The following CCDC178 variants were observed in gnomAD, a reference collection of about 807,000 sequenced individuals.
The protein encoded by CCDC178 is coiled-coil domain containing 178.
Under a neutral mutation model 117.4 loss-of-function variants are expected in CCDC178, and 126 were observed. The ratio of observed to expected loss-of-function variants is 1.07; its 90% CI spans 0.93 to 1.24. The LOEUF is 1.24. CCDC178 is among the 50% of genes most tolerant of loss of function. The probability of loss-of-function intolerance (pLI) is 0.00; values close to 1 mark genes in which losing one functional copy is unlikely to be tolerated. For synonymous variants in CCDC178, 283 were observed against 313.4 expected, an observed-to-expected ratio of 0.90 and a Z score of 1.02; for missense variants, 1,030 against 986.9, an observed-to-expected ratio of 1.04 and a Z score of -0.59.
At chr18:33,264,649 G>C (rs1017100873) in intron 14 of CCDC178, among the ~76,000 whole-genome samples, 2 of 152,004 alleles carry the variant, frequency 1.3e-5, no homozygotes, top group Non-Finnish European at 2.9e-5. Context: ...GCTTGTGATA[G>C]ATGTACTTGT....
At chr18:33,173,808 C>A (rs2058632755) in intron 20 of CCDC178, among the ~76,000 whole-genome samples, 1 of 152,144 alleles carries the variant, frequency 6.6e-6, no homozygotes, top group East Asian at 1.9e-4. Flanking sequence ...GGAACTTTCT[C>A]CTCACATCAT....
At chr18:32,971,985 T>A (rs2054937188) in intron 22 of CCDC178, among the ~76,000 whole-genome samples, 1 of 152,148 alleles carries the variant, frequency 6.6e-6, no homozygotes, top group Non-Finnish European at 1.5e-5. Context: ...TTCACTCTGA[T>A]GCTAGTTTCT....
intron 21 of CCDC178, among the ~76,000 whole-genome samples, chr18:33,037,105 C>A (rs750314629): frequency 6.6e-6 from 1 of 151,888 alleles, no homozygotes; most frequent in Non-Finnish European, 1.5e-5. Flanking sequence ...TTAATCCACA[C>A]ATATAAGCAT....
chr18:33,166,624 T>C (rs929358049), intron 20 of CCDC178, among the ~76,000 whole-genome samples: 3 of 152,176 alleles, frequency 2.0e-5, no homozygotes, highest in African/African-American at 2.4e-5. Flanking sequence ...CCAAATCAAA[T>C]AGACATTCAT....
At chr18:33,205,711 T>C (rs2059037940) in intron 20 of CCDC178, among the ~76,000 whole-genome samples, 1 of 152,208 alleles carries the variant, frequency 6.6e-6, no homozygotes, top group South Asian at 2.1e-4. Flanking sequence ...ACTTATTTAT[T>C]TGAGATACGT....
intron 20 of CCDC178, among the ~76,000 whole-genome samples, chr18:33,128,786 A>G (rs1376484236): frequency 6.6e-6 from 1 of 152,144 alleles, no homozygotes; most frequent in Non-Finnish European, 1.5e-5. Context: ...TGCATCACAT[A>G]ATCTGTCACT....
intron 22 of CCDC178, among the ~76,000 whole-genome samples, chr18:32,942,868 C>A (rs542586518): frequency 5.3e-5 from 8 of 152,194 alleles, no homozygotes; most frequent in African/African-American, 1.7e-4. Context: ...GATTGCATAG[C>A]TGAGTGGTTT....
At chr18:32,957,104 T>C (rs1378960785) in intron 22 of CCDC178, among the ~76,000 whole-genome samples, 1 of 152,170 alleles carries the variant, frequency 6.6e-6, no homozygotes, top group African/African-American at 2.4e-5. Flanking sequence ...AACTTTTTGA[T>C]CCAAGACAGG....
intron 21 of CCDC178, among the ~76,000 whole-genome samples, chr18:32,992,179 T>C (rs1251241906): frequency 6.6e-6 from 1 of 152,250 alleles, no homozygotes; most frequent in East Asian, 1.9e-4. Flanking sequence ...TTTCATTTTC[T>C]GTAAATGAGC....
chr18:33,051,386 C>A (rs1441692795), intron 21 of CCDC178, among the ~76,000 whole-genome samples: 1 of 152,164 alleles, frequency 6.6e-6, no homozygotes, highest in Non-Finnish European at 1.5e-5. Context: ...TTTAGGATTA[C>A]AACAATAAGT....
chr18:33,000,513 C>A (rs1270890045), intron 21 of CCDC178, among the ~76,000 whole-genome samples: 1 of 151,988 alleles, frequency 6.6e-6, no homozygotes, highest in Admixed American at 6.6e-5. Flanking sequence ...ACAGATTTAA[C>A]CCAAATAAGA....
chr18:33,199,979 T>TA (rs1324462092), intron 20 of CCDC178, among the ~76,000 whole-genome samples: 1 of 152,166 alleles, frequency 6.6e-6, no homozygotes, highest in African/African-American at 2.4e-5. Flanking sequence ...GATATATATA[T>TA]ATTTGGACAA....
chr18:33,315,552 C>T (rs2062403686), intron 11 of CCDC178, among the ~76,000 whole-genome samples: 1 of 152,106 alleles, frequency 6.6e-6, no homozygotes, highest in Admixed American at 6.5e-5. Context: ...CAAATCGAGG[C>T]CATACACGGA....
chr18:33,113,705 T>C (rs1290679367), intron 20 of CCDC178, among the ~76,000 whole-genome samples: 1 of 152,044 alleles, frequency 6.6e-6, no homozygotes, highest in Non-Finnish European at 1.5e-5. Flanking sequence ...ATTAGGTACA[T>C]TATATGTTTT....
intron 11 of CCDC178, among the ~76,000 whole-genome samples, chr18:33,314,542 A>C (rs2062391901): frequency 6.6e-6 from 1 of 152,184 alleles, no homozygotes; most frequent in African/African-American, 2.4e-5. Flanking sequence ...AGACTGGTCC[A>C]AGTCTGGTCA....
chr18:33,227,781 CA>C (rs1475235787), intron 15 of CCDC178, among the ~76,000 whole-genome samples: 1 of 151,690 alleles, frequency 6.6e-6, no homozygotes, highest in African/African-American at 2.4e-5. Context: ...TTACCTCAAG[CA>C]AAAGAATAAT....
intron 7 of CCDC178, among the ~76,000 whole-genome samples, chr18:33,351,412 C>G (rs911848693): frequency 1.3e-5 from 2 of 152,150 alleles, no homozygotes; most frequent in Admixed American, 1.3e-4. Context: ...AGGCTGGTCT[C>G]AAACTCCTGA....
At chr18:33,391,352 G>GA (rs1286175882) in intron 4 of CCDC178, among the ~76,000 whole-genome samples, 2 of 151,760 alleles carry the variant, frequency 1.3e-5, no homozygotes, top group African/African-American at 4.8e-5. Context: ...GAAATTTAGA[G>GA]AAAAAATATA....
intron 6 of CCDC178, among the ~76,000 whole-genome samples, chr18:33,366,154 T>C (rs1158193872): frequency 6.6e-6 from 1 of 152,066 alleles, no homozygotes; most frequent in Non-Finnish European, 1.5e-5. Flanking sequence ...ATGTAAGCTT[T>C]ATAATTACTT....
Sources: gnomAD v4.1 joint callset for allele counts (sites outside exome capture counted in the v4.1 genomes callset) on GRCh38, gnomAD v4.1.1 for gene constraint, MANE v1.5 for transcripts, NCBI Gene and HGNC (gene_info 2026-07-23, HGNC 2026-07-21) for gene names.